RAD51B: variants seen among roughly 807,000 people sequenced by gnomAD.
RAD51B encodes DNA repair protein RAD51 homolog 2.
Under a neutral mutation model 42.2 loss-of-function variants are expected in RAD51B, and 38 were observed. The ratio of observed to expected loss-of-function variants is 0.90; its 90% CI spans 0.70 to 1.18. The LOEUF (loss-of-function observed/expected upper bound fraction) is 1.18. Ranked by LOEUF, RAD51B falls within the 50% of genes most tolerant of loss-of-function variation. The probability of loss-of-function intolerance (pLI) is 0.00; values close to 1 mark genes in which losing one functional copy is unlikely to be tolerated. For synonymous variants in RAD51B, 154 were observed against 145.2 expected, an observed-to-expected ratio of 1.06 and a Z score of -0.43; for missense variants, 373 against 400.7, an observed-to-expected ratio of 0.93 and a Z score of 0.59.
intron 7 of RAD51B, among the ~76,000 whole-genome samples, chr14:67,916,612 C>T (rs2044159648): frequency 6.6e-6 from 1 of 151,956 alleles, no homozygotes; most frequent in African/African-American, 2.4e-5. Context: ...TCTATGGAGG[C>T]TTTATTTATT....
At chr14:68,594,396 C>T (rs1440710801) in intron 10 of RAD51B, 23 of 1,260,368 alleles carry the variant, frequency 1.8e-5, no homozygotes, top group Non-Finnish European at 2.4e-5. Context: ...TCAGGTCTTC[C>T]TCAACCATCC....
At chr14:67,941,165 G>A (rs1465080851) in intron 7 of RAD51B, among the ~76,000 whole-genome samples, 2 of 152,106 alleles carry the variant, frequency 1.3e-5, no homozygotes, top group Non-Finnish European at 2.9e-5. Context: ...TGTAACTTGG[G>A]AATTCTGTGT....
At chr14:68,046,548 G>A (rs576380161) in intron 7 of RAD51B, among the ~76,000 whole-genome samples, 1 of 152,322 alleles carries the variant, frequency 6.6e-6, no homozygotes, top group South Asian at 2.1e-4. Context: ...AGGCCAGCCT[G>A]GGCAACATGG....
intron 8 of RAD51B, among the ~76,000 whole-genome samples, chr14:68,407,760 G>A (rs2084315072): frequency 6.6e-6 from 1 of 152,198 alleles, no homozygotes; most frequent in Non-Finnish European, 1.5e-5. Flanking sequence ...AGGCAGAGTA[G>A]ATTTGGGACA....
intron 10 of RAD51B, among the ~76,000 whole-genome samples, chr14:68,579,904 C>T (rs952457457): frequency 1.3e-5 from 2 of 152,226 alleles, no homozygotes; most frequent in African/African-American, 2.4e-5. Context: ...GATGCCTCCA[C>T]GTCTCCAGCC....
At chr14:68,072,418 G>C (rs1256589966) in intron 7 of RAD51B, among the ~76,000 whole-genome samples, 1 of 151,974 alleles carries the variant, frequency 6.6e-6, no homozygotes. Context: ...CACTGTTTGA[G>C]GGCAGGAAGC....
intron 7 of RAD51B, among the ~76,000 whole-genome samples, chr14:67,889,461 C>CTA (rs1318663802): frequency 1.3e-5 from 2 of 148,496 alleles, no homozygotes; most frequent in Non-Finnish European, 3.0e-5. Flanking sequence ...TTATTGCTTG[C>CTA]TATATATATA....
chr14:68,079,930 A>G (rs1443208958), intron 7 of RAD51B, among the ~76,000 whole-genome samples: 3 of 152,190 alleles, frequency 2.0e-5, no homozygotes, highest in Non-Finnish European at 4.4e-5. Context: ...CATCTTTTAC[A>G]TCTGGCTAAA....
intron 7 of RAD51B, among the ~76,000 whole-genome samples, chr14:68,216,286 A>ATGCGT (rs978152901): frequency 1.3e-5 from 2 of 152,216 alleles, no homozygotes; most frequent in African/African-American, 4.8e-5. Flanking sequence ...CACTTGACTC[A>ATGCGT]TGCGTTGCGT....
At chr14:68,134,554 T>C (rs757631735) in intron 7 of RAD51B, among the ~76,000 whole-genome samples, 1 of 152,174 alleles carries the variant, frequency 6.6e-6, no homozygotes, top group African/African-American at 2.4e-5. Flanking sequence ...CATTTTACAT[T>C]TCCACCAGCA....
chr14:68,030,705 C>G (rs2076027713), intron 7 of RAD51B, among the ~76,000 whole-genome samples: 2 of 152,172 alleles, frequency 1.3e-5, no homozygotes, highest in Admixed American at 1.3e-4. Context: ...TTTAATTTCC[C>G]TTAAGAACTT....
chr14:68,492,827 C>T (rs1199450664), intron 10 of RAD51B, among the ~76,000 whole-genome samples: 1 of 152,178 alleles, frequency 6.6e-6, no homozygotes, highest in Non-Finnish European at 1.5e-5. Context: ...GTATTAAGTA[C>T]TCAGTAAATG....
Position 68,179,630 on chromosome 14 carries a change from A to T in RAD51B, c.757-112254A>T, listed in dbSNP as rs191070860. Among the ~76,000 whole-genome samples, 150 of 152,318 alleles carry T rather than the reference A, an allele frequency of 9.8e-4. 1 individual carries two copies. The highest frequency in any genetic ancestry group is 3.6e-3 in the African/African-American group (148 of 41,574). ...CACAGCCTTTCTTATGTCATAATACACATAGAAATTGATAATATTTATATG... is the reference window on the plus strand; with the variant it reads ...CACAGCCTTTCTTATGTCATAATACTCATAGAAATTGATAATATTTATATG... On this transcript the variant is annotated intron_variant, in intron 7 of 10. Coordinates refer to ENST00000471583, the MANE Select transcript of RAD51B (RefSeq NM_133510.4).
At position 68,390,244 on chromosome 14, in the gene RAD51B, T is replaced by C. The variant is rs1594767916; in HGVS notation, c.854-21180T>C. Among the ~76,000 whole-genome samples the C allele has an allele frequency of 2.6e-5, 4 of 152,338 alleles. No individual in the cohort carries two copies. The Middle Eastern group carries it at 0.014, about 518-fold the overall frequency. On this transcript the variant is annotated intron_variant, in intron 8 of 10. Coordinates refer to ENST00000471583, the MANE Select transcript of RAD51B (RefSeq NM_133510.4). ...AGCTAGGTCATAACTAGATTGCAAA[T>C]CTTGAGTAGTGGAAAAATCTACGCC...
intron 7 of RAD51B, among the ~76,000 whole-genome samples, chr14:68,265,101 C>T (rs2080964397): frequency 6.6e-6 from 1 of 152,090 alleles, no homozygotes; most frequent in African/African-American, 2.4e-5. Flanking sequence ...TTCACTTTAC[C>T]ATTAGGGCTT....
chr14:67,863,259 G>A (rs113999307), intron 4 of RAD51B, among the ~76,000 whole-genome samples: 2,515 of 150,874 alleles, frequency 0.017, 72 homozygotes, highest in African/African-American at 0.057. Context: ...TGGGATTACA[G>A]GCGTGTGCTA....
intron 7 of RAD51B, among the ~76,000 whole-genome samples, chr14:68,176,517 A>G (rs983153741): frequency 2.0e-5 from 3 of 152,168 alleles, no homozygotes; most frequent in Non-Finnish European, 2.9e-5. Context: ...AGGCAACTCA[A>G]TCATCATTAG....
chr14:68,105,918 A>G (rs999065912), intron 7 of RAD51B, among the ~76,000 whole-genome samples: 1 of 151,964 alleles, frequency 6.6e-6, no homozygotes, highest in Non-Finnish European at 1.5e-5. Context: ...TGGGAATGAA[A>G]TAGAAGTGGG....
intron 7 of RAD51B, among the ~76,000 whole-genome samples, chr14:68,274,940 A>G (rs1160964414): frequency 1.3e-5 from 2 of 152,050 alleles, no homozygotes; most frequent in South Asian, 2.1e-4. Context: ...AGTACTTCCT[A>G]TTTTATCATG....
Sources: gnomAD v4.1 joint callset for allele counts (sites outside exome capture counted in the v4.1 genomes callset) on GRCh38, gnomAD v4.1.1 for gene constraint, MANE v1.5 for transcripts, NCBI Gene and HGNC (gene_info 2026-07-23, HGNC 2026-07-21) for gene names.